The following GPR26 variants were observed in gnomAD, a reference collection of about 807,000 sequenced individuals.
GPR26 encodes G protein-coupled receptor 26.
GPR26 carries 15 observed loss-of-function variants against 23.1 expected under a neutral mutation model. That is an observed-to-expected ratio of 0.65 (90% CI 0.43 to 1.00). GPR26 has a LOEUF of 1.00. Among genes scored for constraint, GPR26 ranks in the 50% least tolerant of loss-of-function variants. GPR26 has a pLI of 0.00. For missense variants in GPR26, 359 were observed against 470.5 expected (o/e 0.76, Z 2.19); for synonymous variants, 228 against 222.1 (o/e 1.03, Z -0.24).
intron 2 of GPR26, among the ~76,000 whole-genome samples, chr10:123,687,281 A>G (rs1411899963): frequency 6.6e-6 from 1 of 152,166 alleles, no homozygotes; most frequent in South Asian, 2.1e-4. Context: ...GCTTTGCAAA[A>G]TGTTTTCAAA....
intron 1 of GPR26, among the ~76,000 whole-genome samples, chr10:123,672,369 G>A (rs1375631641): frequency 6.6e-6 from 1 of 152,136 alleles, no homozygotes; most frequent in Admixed American, 6.5e-5. Flanking sequence ...AGGCATGACC[G>A]GGCCCATGTG....
intron 2 of GPR26, among the ~76,000 whole-genome samples, chr10:123,680,863 A>G (rs1316791097): frequency 1.4e-5 from 2 of 140,998 alleles, no homozygotes; most frequent in Non-Finnish European, 3.0e-5. Context: ...TTTTTGAGAC[A>G]GAGTCTCACT....
At chr10:123,684,126 A>T (rs78480837) in intron 2 of GPR26, among the ~76,000 whole-genome samples, 1 of 152,196 alleles carries the variant, frequency 6.6e-6, no homozygotes, top group African/African-American at 2.4e-5. Flanking sequence ...TTTTGAGCAC[A>T]TAAGCATGAA....
rs557258155 is a variant in GPR26 at position 123,691,160 on chromosome 10, G to A, written c.*3000G>A. On this transcript the variant is annotated 3_prime_UTR_variant, in exon 3 of 3. Coordinates refer to ENST00000284674, the MANE Select transcript of GPR26 (RefSeq NM_153442.4). ...TTCTGAGGGAGGGGATTTTACAGCC[G>A]AGGGACCTCCAAAGGGAACGTCCAT... The A allele has an allele frequency of 5.3e-5, 8 of 152,248 alleles. No homozygotes were observed. The highest frequency in any genetic ancestry group is 1.9e-4 in the East Asian group (1 of 5,174). The allele number at this position is 152,248 out of a possible 1,614,324, so 9.4% of individuals were successfully genotyped here.
At chr10:123,671,761 G>A (rs1845252348) in intron 1 of GPR26, among the ~76,000 whole-genome samples, 1 of 152,158 alleles carries the variant, frequency 6.6e-6, no homozygotes, top group African/African-American at 2.4e-5. Context: ...CAGGAGACCT[G>A]GGAAGAGCCC....
rs1589933942 is a variant in GPR26 at position 123,692,523 on chromosome 10, T to G, written c.*4363T>G. 1 of 152,124 alleles carries G rather than the reference T, an allele frequency of 6.6e-6. No individual in the cohort carries two copies. Among genetic ancestry groups the G allele is most frequent in the Non-Finnish European group, 1.5e-5 (1 of 68,096 alleles). The allele number at this position is 152,124 out of a possible 1,614,324, so 9.4% of individuals were successfully genotyped here. A position where few individuals can be genotyped will look rare whatever the true frequency, so the allele number is the denominator to read the frequency against. ...TGACAGTGTCCTAACAGCTGGTGGGTATGGAGGAAAGACTAGACATCAGGC... is the reference window on the plus strand; with the variant it reads ...TGACAGTGTCCTAACAGCTGGTGGGGATGGAGGAAAGACTAGACATCAGGC... On this transcript the variant is annotated 3_prime_UTR_variant, in exon 3 of 3. Coordinates refer to ENST00000284674, the MANE Select transcript of GPR26 (RefSeq NM_153442.4).
chr10:123,672,852 C>G (rs1845266281), intron 1 of GPR26, among the ~76,000 whole-genome samples: 1 of 152,204 alleles, frequency 6.6e-6, no homozygotes, highest in African/African-American at 2.4e-5. Flanking sequence ...GTCACCCTAT[C>G]ACCACCATTT....
Position 123,689,140 on chromosome 10 carries a change from G to A in GPR26, c.*980G>A, listed in dbSNP as rs1265128104. On this transcript the variant is annotated 3_prime_UTR_variant, in exon 3 of 3. Transcript: ENST00000284674. Reference sequence around the variant, plus strand: ...TTTTGCCTTGATTTTAAGTCACTGGGTTCCATTGTCCTGGCACCTCCATTT... The same window carrying A: ...TTTTGCCTTGATTTTAAGTCACTGGATTCCATTGTCCTGGCACCTCCATTT... 6.6e-6 allele frequency: 1 copy of A among 152,216 alleles called. No homozygotes were observed. Among genetic ancestry groups the A allele is most frequent in the Non-Finnish European group, 1.5e-5 (1 of 68,064 alleles). The allele number at this position is 152,216 out of a possible 1,614,324, so 9.4% of individuals were successfully genotyped here. A position where few individuals can be genotyped will look rare whatever the true frequency, so the allele number is the denominator to read the frequency against.
At chr10:123,683,768 CAG>C (rs1434667056) in intron 2 of GPR26, among the ~76,000 whole-genome samples, 1 of 152,178 alleles carries the variant, frequency 6.6e-6, no homozygotes, top group East Asian at 1.9e-4. Flanking sequence ...GGACAGCTGT[CAG>C]AACATAGGAG....
At chr10:123,683,536 C>T (rs1564732721) in intron 2 of GPR26, among the ~76,000 whole-genome samples, 1 of 152,200 alleles carries the variant, frequency 6.6e-6, no homozygotes, top group Admixed American at 6.5e-5. Flanking sequence ...TCAGAGAAGG[C>T]CTTGGAGTTC....
intron 1 of GPR26, among the ~76,000 whole-genome samples, chr10:123,670,263 A>G (rs1290669105): frequency 6.6e-6 from 1 of 152,202 alleles, no homozygotes; most frequent in Non-Finnish European, 1.5e-5. Context: ...GGCTCAGTAG[A>G]CAGGAACTAC....
intron 2 of GPR26, among the ~76,000 whole-genome samples, chr10:123,687,052 T>C (rs915920916): frequency 6.6e-6 from 1 of 152,138 alleles, no homozygotes; most frequent in Admixed American, 6.5e-5. Context: ...AGGCTTTCCC[T>C]GACCTCATAA....
At chr10:123,669,716 G>T (rs1845229304) in intron 1 of GPR26, among the ~76,000 whole-genome samples, 1 of 152,178 alleles carries the variant, frequency 6.6e-6, no homozygotes, top group Non-Finnish European at 1.5e-5. Context: ...CTACCTGCAG[G>T]ATGTTTGGCA....
At chr10:123,685,833 C>T (rs556643984) in intron 2 of GPR26, among the ~76,000 whole-genome samples, 37 of 152,306 alleles carry the variant, frequency 2.4e-4, no homozygotes, top group Admixed American at 1.9e-3. Context: ...ACTTGCTGCT[C>T]ATCTCTCTGA....
At chr10:123,684,022 A>C (rs576369343) in intron 2 of GPR26, among the ~76,000 whole-genome samples, 4 of 152,192 alleles carry the variant, frequency 2.6e-5, no homozygotes, top group African/African-American at 9.6e-5. Flanking sequence ...CCCCAGCTCC[A>C]TCCCCTCCCC....
At chr10:123,667,321 ACAGT>A (rs1845198588) in intron 1 of GPR26, among the ~76,000 whole-genome samples, 2 of 152,140 alleles carry the variant, frequency 1.3e-5, no homozygotes, top group Admixed American at 6.5e-5. Flanking sequence ...GAAATCACAG[ACAGT>A]CAGAACTCTG....
chr10:123,668,787 C>G (rs1845217475), intron 1 of GPR26, among the ~76,000 whole-genome samples: 1 of 152,188 alleles, frequency 6.6e-6, no homozygotes, highest in African/African-American at 2.4e-5. Context: ...AGAGGGGGCC[C>G]TCTCACCATG....
At chr10:123,685,728 T>C (rs1159909094) in intron 2 of GPR26, among the ~76,000 whole-genome samples, 2 of 152,220 alleles carry the variant, frequency 1.3e-5, no homozygotes, top group Non-Finnish European at 2.9e-5. Flanking sequence ...TCCTTTGTCA[T>C]GTCTGCAATG....
chr10:123,682,318 A>T (rs1304196462), intron 2 of GPR26, among the ~76,000 whole-genome samples: 1 of 152,230 alleles, frequency 6.6e-6, no homozygotes, highest in African/African-American at 2.4e-5. Flanking sequence ...TGGCAGATGC[A>T]GTTGGCATCT....
Sources: gnomAD v4.1 joint callset for allele counts (sites outside exome capture counted in the v4.1 genomes callset) on GRCh38, gnomAD v4.1.1 for gene constraint, MANE v1.5 for transcripts, NCBI Gene and HGNC (gene_info 2026-07-23, HGNC 2026-07-21) for gene names.